The following PCDHGA1 variants were observed in gnomAD, a reference collection of about 807,000 sequenced individuals.
The protein encoded by PCDHGA1 is protocadherin gamma subfamily A, 1.
In PCDHGA1, 32 loss-of-function variants were observed where a neutral mutation model predicts 58.0. The observed-to-expected ratio is 0.55, with a 90% CI of 0.42 to 0.74. PCDHGA1 has a LOEUF of 0.74. Among genes scored for constraint, PCDHGA1 ranks in the 30% least tolerant of loss-of-function variants. The pLI is 0.00. For missense variants in PCDHGA1, 1,205 were observed against 1,182.3 expected (o/e 1.02, Z -0.28); for synonymous variants, 498 against 501.1 (o/e 0.99, Z 0.08).
chr5:141,481,071 A>G (rs887828386), intron 1 of PCDHGA1, among the ~76,000 whole-genome samples: 19 of 152,172 alleles, frequency 1.2e-4, no homozygotes, highest in African/African-American at 4.6e-4. Context: ...AACAAAAAGA[A>G]AGAAAGAAAA....
chr5:141,355,404 C>T (rs751163192), intron 1 of PCDHGA1: 36 of 1,613,970 alleles, frequency 2.2e-5, no homozygotes, highest in Middle Eastern at 1.6e-4. Context: ...GCATCGTCTC[C>T]AGAGGTAGGA....
At chr5:141,483,918 T>G (rs2099588800) in intron 1 of PCDHGA1, among the ~76,000 whole-genome samples, 1 of 150,512 alleles carries the variant, frequency 6.6e-6, no homozygotes, top group Non-Finnish European at 1.5e-5. Flanking sequence ...CCACTCAGAT[T>G]GCAGGTCGTA....
intron 1 of PCDHGA1, chr5:141,428,109 G>A: frequency 1.2e-6 from 2 of 1,607,850 alleles, no homozygotes; most frequent in Non-Finnish European, 1.7e-6. Context: ...CGTGCTGCAG[G>A]CCATCGAGCC....
At chr5:141,370,402 A>G (rs541569664) in intron 1 of PCDHGA1, 2 of 1,554,130 alleles carry the variant, frequency 1.3e-6, no homozygotes, top group Non-Finnish European at 8.7e-7. Flanking sequence ...GGGATGGGAA[A>G]TAGCTCCGGA....
At chr5:141,354,009 C>T (rs1041601052) in intron 1 of PCDHGA1, among the ~76,000 whole-genome samples, 2 of 152,168 alleles carry the variant, frequency 1.3e-5, no homozygotes, top group African/African-American at 4.8e-5. Flanking sequence ...TAGTAAATTA[C>T]TGTAAGTATT....
chr5:141,465,777 C>G (rs2099109055), intron 1 of PCDHGA1, among the ~76,000 whole-genome samples: 2 of 151,768 alleles, frequency 1.3e-5, no homozygotes, highest in African/African-American at 2.4e-5. Flanking sequence ...TCTCTTGTTA[C>G]AGTTTTTTTT....
At chr5:141,505,977 G>A (rs944259753) in intron 3 of PCDHGA1, among the ~76,000 whole-genome samples, 1 of 152,150 alleles carries the variant, frequency 6.6e-6, no homozygotes, top group East Asian at 1.9e-4. Flanking sequence ...CCAGCCGAGA[G>A]AACACCTCCT....
At chr5:141,345,246 G>T (rs377624497) in intron 1 of PCDHGA1, 2 of 1,613,970 alleles carry the variant, frequency 1.2e-6, no homozygotes, top group African/African-American at 2.7e-5. Context: ...TTACCGCTTA[G>T]TGACGGCCAC....
In PCDHGA1 at chr5:141,432,002, G is replaced by T; in HGVS notation, c.2422-62805G>T. The T allele has an allele frequency of 6.2e-7, 1 of 1,614,186 alleles. No homozygotes were observed. The highest frequency in any genetic ancestry group is 1.1e-5 in the South Asian group (1 of 91,090). ...AGACATAGTCTTGGATAGGGAACAGGTTCCTAGCTACAACATCACAGTGAC... is the reference window on the plus strand; with the variant it reads ...AGACATAGTCTTGGATAGGGAACAGTTTCCTAGCTACAACATCACAGTGAC... On this transcript the variant is annotated intron_variant, in intron 1 of 3. Coordinates refer to ENST00000517417, the MANE Select transcript of PCDHGA1 (RefSeq NM_018912.3). The surrounding 1 kb of genome is among the most constrained non-coding windows in gnomAD (Gnocchi z 6.0).
intron 1 of PCDHGA1, among the ~76,000 whole-genome samples, chr5:141,453,310 T>C (rs566320120): frequency 6.6e-6 from 1 of 152,044 alleles, no homozygotes; most frequent in South Asian, 2.1e-4. Context: ...TTTATTTATT[T>C]ATTTTAGAGA....
intron 1 of PCDHGA1, chr5:141,372,650 C>T (rs1768944912): frequency 6.2e-7 from 1 of 1,614,008 alleles, no homozygotes; most frequent in African/African-American, 1.3e-5. Context: ...CTTATTCCTA[C>T]AATCCGTGTG....
chr5:141,341,569 G>A, intron 1 of PCDHGA1: 2 of 1,286,816 alleles, frequency 1.6e-6, no homozygotes, highest in Non-Finnish European at 2.1e-6. Context: ...GCTGTAAGAG[G>A]AAGAAGAGAC....
At chr5:141,463,682 G>A (rs62379195) in intron 1 of PCDHGA1, among the ~76,000 whole-genome samples, 7,165 of 151,926 alleles carry the variant, frequency 0.047, 241 homozygotes, top group Middle Eastern at 0.095. Context: ...GGATGACCTC[G>A]TGATCTGCTC....
chr5:141,410,712 T>C (rs776042818), intron 1 of PCDHGA1: 2 of 1,437,800 alleles, frequency 1.4e-6, no homozygotes, highest in Non-Finnish European at 1.9e-6. Context: ...TCTAGAATCA[T>C]ATGTTTAAAA....
intron 2 of PCDHGA1, among the ~76,000 whole-genome samples, chr5:141,501,536 G>A (rs570102957): frequency 5.9e-5 from 9 of 152,054 alleles, no homozygotes; most frequent in African/African-American, 2.2e-4. Context: ...GTACGTTGTT[G>A]TGCATAAGAT....
chr5:141,351,221 G>T (rs201087525), intron 1 of PCDHGA1: 2 of 1,614,012 alleles, frequency 1.2e-6, no homozygotes, highest in East Asian at 4.5e-5. Context: ...TAAGGATGGA[G>T]GAGTACACAC....
intron 2 of PCDHGA1, among the ~76,000 whole-genome samples, chr5:141,500,259 A>G (rs1595658540): frequency 6.6e-6 from 1 of 151,044 alleles, no homozygotes; most frequent in East Asian, 2.0e-4. Context: ...CCCAGGCTGG[A>G]CTGCAGTGGC....
In PCDHGA1 at chr5:141,430,843, C is replaced by T. The variant is rs1370427603; in HGVS notation, c.2422-63964C>T. 2.6e-6 allele frequency: 4 copies of T among 1,568,356 alleles called. No homozygotes were observed. The African/African-American group carries it at 4.1e-5, about 16-fold the overall frequency. On this transcript the variant is annotated intron_variant, in intron 1 of 3. Coordinates refer to ENST00000517417, the MANE Select transcript of PCDHGA1 (RefSeq NM_018912.3). ...TGGGGACTCTGTGGGAGACCGGATG[C>T]ACCCAGATACGCTATTCAGTTCCGG...
At position 141,341,004 on chromosome 5, in the gene PCDHGA1, T is replaced by A. The variant is rs140216094; in HGVS notation, c.2421+7899T>A. 8 of 1,613,934 alleles carry A rather than the reference T, an allele frequency of 5.0e-6. No homozygotes were observed. The African/African-American group carries it at 8.0e-5, about 16-fold the overall frequency. On this transcript the variant is annotated intron_variant, in intron 1 of 3. Transcript: ENST00000517417. ...GACATCCTGGCCGACCTGGGCAGCCTCGAGCCCTCCGCCATACCCAACGAT... is the reference window on the plus strand; with the variant it reads ...GACATCCTGGCCGACCTGGGCAGCCACGAGCCCTCCGCCATACCCAACGAT...
Sources: gnomAD v4.1 joint callset for allele counts (sites outside exome capture counted in the v4.1 genomes callset) on GRCh38, gnomAD v4.1.1 for gene constraint, Gnocchi (gnomAD v3.1) non-coding constraint, MANE v1.5 for transcripts, NCBI Gene and HGNC (gene_info 2026-07-23, HGNC 2026-07-21) for gene names.